The following EGF variants were observed in gnomAD, a reference collection of about 807,000 sequenced individuals.
EGF encodes the protein epidermal growth factor.
EGF carries 95 observed loss-of-function variants against 143.8 expected under a neutral mutation model. The ratio of observed to expected loss-of-function variants is 0.66; its 90% CI spans 0.56 to 0.78. The LOEUF is 0.78. Ranked by LOEUF, EGF falls within the 30% of genes least tolerant of loss-of-function variation. The pLI is 0.00. For synonymous variants in EGF, 510 were observed against 510.5 expected, an observed-to-expected ratio of 1.00 and a Z score of 0.01; for missense variants, 1,320 against 1,470.9, an observed-to-expected ratio of 0.90 and a Z score of 1.68.
rs796365994 is a variant in EGF, at chr4:109,998,857, A to G, written c.3006-822A>G. On this transcript the variant is annotated intron_variant, in intron 20 of 23. Transcript: ENST00000265171. ...AATTTTTAATAAGTGGGCATTACAG[A>G]GTGTTTAATAGGATGTTTTTCAAAG... is the stretch of plus-strand genomic sequence containing the variant. Among the ~76,000 whole-genome samples, 6 of 152,354 alleles carry G rather than the reference A, an allele frequency of 3.9e-5. 1 individual carries two copies. The highest frequency in any genetic ancestry group is 1.4e-4 in the African/African-American group (6 of 41,586).
chr4:109,922,193 T>C (rs1737920118), intron 1 of EGF, among the ~76,000 whole-genome samples: 1 of 151,746 alleles, frequency 6.6e-6, no homozygotes, highest in Admixed American at 6.6e-5. Context: ...GTCAATGCTC[T>C]AAGTGGATCA....
chr4:109,915,750 T>A (rs1486245709), intron 1 of EGF, among the ~76,000 whole-genome samples: 1 of 152,230 alleles, frequency 6.6e-6, no homozygotes, highest in Non-Finnish European at 1.5e-5. Context: ...TTGAGACAGA[T>A]CACCTCTGCA....
At chr4:109,964,643 T>C in intron 10 of EGF, 106 bp downstream of exon 10, 1 of 1,489,934 alleles carries the variant, frequency 6.7e-7, no homozygotes, top group Non-Finnish European at 9.2e-7. Context: ...TGCTAAGTTC[T>C]GAATGATTAG....
At chr4:109,967,089 T>G (rs1746724157) in intron 10 of EGF, among the ~76,000 whole-genome samples, 1 of 152,236 alleles carries the variant, frequency 6.6e-6, no homozygotes, top group East Asian at 1.9e-4. Context: ...GCATTTCCTT[T>G]TGAGGGCTTA....
At chr4:109,987,472 G>T (rs1182551902) in intron 16 of EGF, among the ~76,000 whole-genome samples, 1 of 152,060 alleles carries the variant, frequency 6.6e-6, no homozygotes, top group African/African-American at 2.4e-5. Context: ...TCACCATGTT[G>T]CCCAGGCTGG....
chr4:109,972,703 T>G (rs1747854429), intron 11 of EGF, among the ~76,000 whole-genome samples: 1 of 152,254 alleles, frequency 6.6e-6, no homozygotes, highest in Admixed American at 6.5e-5. Context: ...CCACTGCCTT[T>G]AGTTGGTAGT....
chr4:109,968,900 C>G, intron 10 of EGF, 71 bp from the exon 11 acceptor site: 1 of 1,602,258 alleles, frequency 6.2e-7, no homozygotes, highest in Non-Finnish European at 8.5e-7. Context: ...AACCTAAAGA[C>G]TAGTGCCATT....
At chr4:109,943,485 A>C (rs1280396279) in intron 3 of EGF, 50 bp downstream of exon 3, 1 of 1,571,504 alleles carries the variant, frequency 6.4e-7, no homozygotes, top group African/African-American at 1.4e-5. Context: ...AATCTAGTGA[A>C]GATTGATAGA....
Position 110,011,590 on chromosome 4 carries a change from A to G in EGF, c.*135A>G. The G allele has an allele frequency of 7.5e-7, 1 of 1,331,706 alleles. No homozygotes were observed. Among genetic ancestry groups the G allele is most frequent in the Non-Finnish European group, 1.0e-6 (1 of 959,760 alleles). The allele number at this position is 1,331,706 out of a possible 1,614,324, so 82.5% of individuals were successfully genotyped here. A position where few individuals can be genotyped will look rare whatever the true frequency, so the allele number is the denominator to read the frequency against. On this transcript the variant is annotated 3_prime_UTR_variant, in exon 24 of 24. Transcript: ENST00000265171. ...CTAATCACCTACTCAATGCCTGGAG[A>G]CAGATACGTAGTTGTGCTTTTGTTT...
At chr4:110,001,179 A>G (rs975677209) in intron 21 of EGF, among the ~76,000 whole-genome samples, 1 of 152,228 alleles carries the variant, frequency 6.6e-6, no homozygotes, top group Non-Finnish European at 1.5e-5. Flanking sequence ...TTCCTTTACT[A>G]TAAAGTAGGA....
intron 20 of EGF, among the ~76,000 whole-genome samples, chr4:109,997,734 A>G (rs1186019402): frequency 6.6e-6 from 1 of 152,066 alleles, no homozygotes; most frequent in African/African-American, 2.4e-5. Context: ...ATGGTGGTAC[A>G]CATCTGTATT....
chr4:109,963,891 C>T (rs1746117200), intron 9 of EGF, among the ~76,000 whole-genome samples: 2 of 152,102 alleles, frequency 1.3e-5, no homozygotes, highest in South Asian at 4.1e-4. Context: ...TAGTGAGACC[C>T]CAATACTGTT....
At chr4:109,951,880 T>A (rs1743986687) in intron 5 of EGF, among the ~76,000 whole-genome samples, 3 of 152,218 alleles carry the variant, frequency 2.0e-5, no homozygotes, top group African/African-American at 7.2e-5. Flanking sequence ...ATCCATGGCC[T>A]TCTGGTAGTT....
intron 6 of EGF, among the ~76,000 whole-genome samples, chr4:109,960,151 A>G (rs1007795411): frequency 9.9e-5 from 15 of 152,224 alleles, no homozygotes; most frequent in Non-Finnish European, 1.9e-4. Context: ...TTCAGCCAGA[A>G]TAAAACTGCT....
intron 5 of EGF, among the ~76,000 whole-genome samples, chr4:109,949,354 G>A (rs566218297): frequency 2.6e-5 from 4 of 152,192 alleles, no homozygotes; most frequent in South Asian, 2.1e-4. Context: ...GGCTTGAGCC[G>A]CCGTGCCTGG....
intron 8 of EGF, among the ~76,000 whole-genome samples, chr4:109,962,612 A>G (rs1160587076): frequency 1.3e-5 from 2 of 152,142 alleles, no homozygotes; most frequent in East Asian, 3.9e-4. Flanking sequence ...TTGCTCCTGA[A>G]CTCATTGGTA....
intron 5 of EGF, among the ~76,000 whole-genome samples, chr4:109,957,651 T>C (rs1745010733): frequency 6.6e-6 from 1 of 152,248 alleles, no homozygotes; most frequent in South Asian, 2.1e-4. Flanking sequence ...CCAAGCCTAT[T>C]TGGAGAACAG....
At chr4:109,954,369 A>G (rs1057377251) in intron 5 of EGF, among the ~76,000 whole-genome samples, 9 of 152,154 alleles carry the variant, frequency 5.9e-5, no homozygotes, top group Non-Finnish European at 1.3e-4. Flanking sequence ...TTATTTTTAA[A>G]GTGCTTTAAG....
chr4:109,975,252 C>T (rs1406498725), intron 12 of EGF, among the ~76,000 whole-genome samples: 1 of 152,146 alleles, frequency 6.6e-6, no homozygotes, highest in Non-Finnish European at 1.5e-5. Flanking sequence ...GAGTTAGTGA[C>T]ACATTTTCAT....
Sources: allele counts gnomAD v4.1 joint callset (sites outside exome capture counted in the v4.1 genomes callset), GRCh38; gene constraint gnomAD v4.1.1; transcripts MANE v1.5; gene names NCBI Gene and HGNC (gene_info 2026-07-23, HGNC 2026-07-21).